PYGB: variants seen among roughly 807,000 people sequenced by gnomAD.
The protein encoded by PYGB is glycogen phosphorylase B.
A neutral mutation model predicts 94.3 loss-of-function variants in PYGB; 82 were observed. That is an observed-to-expected ratio of 0.87 (90% CI 0.73 to 1.04). The LOEUF is 1.04. PYGB is among the 50% of genes least tolerant of loss of function. The pLI is 0.00. For synonymous variants in PYGB, 488 were observed against 479.1 expected (o/e 1.02, Z -0.24); for missense variants, 1,132 against 1,158.2 (o/e 0.98, Z 0.33).
intron 3 of PYGB, among the ~76,000 whole-genome samples, chr20:25,270,010 T>C (rs2088251822): frequency 6.6e-6 from 1 of 152,150 alleles, no homozygotes; most frequent in Admixed American, 6.5e-5. Flanking sequence ...GAGCCCGCCA[T>C]GGCTTGATGT....
At chr20:25,271,593 C>CG in intron 4 of PYGB, 107 bp downstream of exon 4, 3 of 1,254,800 alleles carry the variant, frequency 2.4e-6, no homozygotes, top group Middle Eastern at 1.9e-4. Flanking sequence ...CGCCAGGGGA[C>CG]TGCAGGCCGG....
rs201771509 is a variant in PYGB at position 25,248,352 on chromosome 20, C to G, written c.174C>G (p.His58Gln). 188 of 1,601,484 alleles carry G rather than the reference C, an allele frequency of 1.2e-4. No individual in the cohort carries two copies. Among genetic ancestry groups the G allele is most frequent in the Non-Finnish European group, 1.5e-4 (173 of 1,175,052 alleles). Residue 58 changes from histidine to glutamine, a missense_variant, in exon 1 of 20, where the codon CAC becomes CAG. Physicochemically the swap from His to Gln is conservative, Grantham distance 24 (BLOSUM62 0). Coordinates refer to ENST00000216962, the MANE Select transcript of PYGB (RefSeq NM_002862.4). Reference sequence around the variant, plus strand: ...GCGACTACTTCTTCGCGCTGGCGCACACGGTGCGCGACCACCTCGTGGGCC... The same window carrying G: ...GCGACTACTTCTTCGCGCTGGCGCAGACGGTGCGCGACCACCTCGTGGGCC... ...TPRDYFFALA[H>Q]TVRDHLVGRW...
intron 1 of PYGB, among the ~76,000 whole-genome samples, chr20:25,254,848 A>G (rs1453448447): frequency 1.3e-5 from 2 of 152,200 alleles, no homozygotes; most frequent in African/African-American, 4.8e-5. Context: ...GACTTGTGGC[A>G]ATGTGTGTCA....
intron 2 of PYGB, among the ~76,000 whole-genome samples, chr20:25,266,658 G>T (rs914238363): frequency 6.6e-6 from 1 of 152,158 alleles, no homozygotes; most frequent in African/African-American, 2.4e-5. Context: ...CAGAATATAT[G>T]TAAAGAACTC....
chr20:25,278,720 A>G (rs2088337388), intron 8 of PYGB, among the ~76,000 whole-genome samples: 1 of 152,140 alleles, frequency 6.6e-6, no homozygotes, highest in Non-Finnish European at 1.5e-5. Flanking sequence ...GGCAGGCTAA[A>G]TGGGGTTATT....
At position 25,295,823 on chromosome 20, in the gene PYGB, C is replaced by A. The variant is rs192949069; in HGVS notation, c.2379+153C>A. Reference sequence around the variant, plus strand: ...TCTGTCATCAGTCGGCTGTGCCTGCCTTTAGGGAAGCTGTCACTGTCAATG... The same window carrying A: ...TCTGTCATCAGTCGGCTGTGCCTGCATTTAGGGAAGCTGTCACTGTCAATG... On this transcript the variant is annotated intron_variant, in intron 19 of 19. Coordinates refer to ENST00000216962, the MANE Select transcript of PYGB (RefSeq NM_002862.4). 3.9e-4 allele frequency among the ~76,000 whole-genome samples: 59 copies of A among 152,358 alleles called. No individual in the cohort carries two copies. The East Asian group carries it at 9.5e-3, about 24-fold the overall frequency.
chr20:25,254,141 C>A (rs2180596), intron 1 of PYGB, among the ~76,000 whole-genome samples: 9,836 of 151,682 alleles, frequency 0.065, 991 homozygotes, highest in African/African-American at 0.22. Context: ...GTGAGTACTC[C>A]GGAAAAACAG....
At chr20:25,274,539 G>A (rs369278819) in intron 4 of PYGB, 53 bp from the exon 5 acceptor site, 47 of 1,593,300 alleles carry the variant, frequency 2.9e-5, no homozygotes, top group African/African-American at 2.3e-4. Context: ...AGGACAGGGC[G>A]GTGGCCTGGG....
At chr20:25,258,638 T>C (rs997248851) in intron 1 of PYGB, among the ~76,000 whole-genome samples, 1 of 152,190 alleles carries the variant, frequency 6.6e-6, no homozygotes, top group African/African-American at 2.4e-5. Context: ...CCGTCCTTGA[T>C]ACAGCACCTC....
intron 3 of PYGB, among the ~76,000 whole-genome samples, chr20:25,270,664 A>G (rs1234527930): frequency 6.6e-6 from 1 of 151,882 alleles, no homozygotes; most frequent in Non-Finnish European, 1.5e-5. Flanking sequence ...TGCACAGCTA[A>G]TTGTATTTTT....
chr20:25,257,872 G>C (rs1252399537), intron 1 of PYGB, among the ~76,000 whole-genome samples: 1 of 152,164 alleles, frequency 6.6e-6, no homozygotes, highest in East Asian at 1.9e-4. Flanking sequence ...GCCAGAGGGG[G>C]GAGGCAGGTG....
chr20:25,266,515 A>C (rs887085555), intron 2 of PYGB, among the ~76,000 whole-genome samples: 1 of 152,178 alleles, frequency 6.6e-6, no homozygotes, highest in African/African-American at 2.4e-5. Context: ...GACACCAAAA[A>C]CCCAAGCAAC....
rs199712939 is a variant in PYGB at position 25,279,017 on chromosome 20, G to T, written c.1000-40G>T. The T allele has an allele frequency of 1.9e-6, 3 of 1,580,282 alleles. No individual in the cohort carries two copies. The East Asian group carries it at 6.9e-5, about 36-fold the overall frequency. On this transcript the variant is annotated intron_variant, in intron 8 of 19. Transcript: ENST00000216962. ...GCCAACAACCGTGGGTGCCCACGTGGGATGAAATGACTGAATGGCACCCCT... is the reference window on the plus strand; with the variant it reads ...GCCAACAACCGTGGGTGCCCACGTGTGATGAAATGACTGAATGGCACCCCT...
Position 25,281,109 on chromosome 20 carries a change from C to A in PYGB, c.1400C>A (p.Ser467Ter). The change falls in exon 11 of 20, where the codon TCG becomes TAG. Residue 467 changes from serine to a stop codon, truncating the protein, a stop_gained. Coordinates refer to ENST00000216962, the MANE Select transcript of PYGB (RefSeq NM_002862.4). LOFTEE classifies it high-confidence loss of function. ...ATCCACTCGGAGATCGTGAAACAGT[C>A]GGTGTGAGTGGGGCGCTTGCCCGAG... Reference protein sequence around the residue: ...ARIHSEIVKQSVFKDFYELEP... With the variant: ...ARIHSEIVKQ 6.2e-7 allele frequency: 1 copy of A among 1,614,024 alleles called. No homozygotes were observed.
chr20:25,259,881 T>C (rs1168271781), intron 2 of PYGB, among the ~76,000 whole-genome samples: 1 of 152,250 alleles, frequency 6.6e-6, no homozygotes, highest in East Asian at 1.9e-4. Context: ...AGCCATTGGC[T>C]TTTTGGTCTG....
chr20:25,248,242 C>A lies in PYGB; in HGVS notation c.64C>A (p.Leu22Ile). 1 of 1,598,192 alleles carries A rather than the reference C, an allele frequency of 6.3e-7. No individual in the cohort carries two copies. Among genetic ancestry groups the A allele is most frequent in the Non-Finnish European group, 8.5e-7 (1 of 1,173,170 alleles). Residue 22 changes from leucine to isoleucine, a missense_variant, in exon 1 of 20, where the codon CTA becomes ATA. Physicochemically the swap from Leu to Ile is conservative, Grantham distance 5. Transcript: ENST00000216962. ...KQISVRGLAG[L>I]GDVAEVRKSF... Reference sequence around the variant, plus strand: ...GATCAGCGTGCGCGGCCTGGCGGGGCTAGGCGACGTGGCCGAGGTGCGGAA... The same window carrying A: ...GATCAGCGTGCGCGGCCTGGCGGGGATAGGCGACGTGGCCGAGGTGCGGAA...
rs2088386661 is a variant in PYGB at position 25,283,336 on chromosome 20, C to CCTA, written c.1620+60_1620+61insTAC. Reference sequence around the variant, plus strand: ...GCCCTCCCACAACCAGGCAGGTAGGCCCTGGCCCTAGCCCTCCTACAGGCC... The same window carrying CCTA: ...GCCCTCCCACAACCAGGCAGGTAGGCCTACCTGGCCCTAGCCCTCCTACAGGCC... On this transcript the variant is annotated intron_variant, in intron 13 of 19. Coordinates refer to ENST00000216962, the MANE Select transcript of PYGB (RefSeq NM_002862.4). 3.4e-6 allele frequency: 5 copies of CCTA among 1,482,232 alleles called. No homozygotes were observed. In the South Asian group the frequency reaches 5.8e-5, roughly 17 times the overall value. The allele number at this position is 1,482,232 out of a possible 1,614,324, so 91.8% of individuals were successfully genotyped here.
At chr20:25,273,160 C>T (rs2088281711) in intron 4 of PYGB, among the ~76,000 whole-genome samples, 1 of 152,254 alleles carries the variant, frequency 6.6e-6, no homozygotes, top group Admixed American at 6.5e-5. Context: ...GCCTGCTTGG[C>T]ACCCTGGCCA....
chr20:25,250,446 CAGTCTGTA>C (rs1345131207), intron 1 of PYGB, among the ~76,000 whole-genome samples: 1 of 152,328 alleles, frequency 6.6e-6, no homozygotes, highest in South Asian at 2.1e-4. Flanking sequence ...TTAAACCGCA[CAGTCTGTA>C]AGTCGTAAAG....
Sources: gnomAD v4.1 joint callset for allele counts (sites outside exome capture counted in the v4.1 genomes callset) on GRCh38, gnomAD v4.1.1 for gene constraint, MANE v1.5 for transcripts, NCBI Gene and HGNC (gene_info 2026-07-23, HGNC 2026-07-21) for gene names.